Variants in PIP4K2A observed in about 807,000 individuals in gnomAD.
PIP4K2A encodes phosphatidylinositol-5-phosphate 4-kinase type 2 alpha.
PIP4K2A carries 14 observed loss-of-function variants against 42.9 expected under a neutral mutation model. The ratio of observed to expected loss-of-function variants is 0.33; its 90% confidence interval spans 0.22 to 0.51. The LOEUF (loss-of-function observed/expected upper bound fraction) is 0.51, where lower values mean the gene tolerates loss of function less well. Ranked by LOEUF, PIP4K2A falls within the 20% of genes least tolerant of loss-of-function variation. The pLI is 0.97. For synonymous variants in PIP4K2A, 192 were observed against 192.2 expected (o/e 1.00, Z 0.01); for missense variants, 434 against 519.8 (o/e 0.83, Z 1.61).
intron 1 of PIP4K2A, among the ~76,000 whole-genome samples, chr10:22,704,199 G>A (rs12266181): frequency 0.31 from 46,676 of 151,960 alleles, 7,517 homozygotes; most frequent in Middle Eastern, 0.37. Context: ...AGATGATCCT[G>A]GACACAGGCC....
chr10:22,619,207 T>C (rs1260685296), intron 1 of PIP4K2A, among the ~76,000 whole-genome samples: 1 of 152,148 alleles, frequency 6.6e-6, no homozygotes, highest in Admixed American at 6.5e-5. Context: ...TTCAGGCATG[T>C]AGCCCACACT....
intron 1 of PIP4K2A, among the ~76,000 whole-genome samples, chr10:22,617,686 C>T (rs1304721293): frequency 6.6e-6 from 1 of 152,114 alleles, no homozygotes; most frequent in Non-Finnish European, 1.5e-5. Context: ...TTGTGTGGAG[C>T]CCCTGTTGGG....
intron 1 of PIP4K2A, among the ~76,000 whole-genome samples, chr10:22,643,929 T>C (rs1220269960): frequency 6.6e-6 from 1 of 152,152 alleles, no homozygotes; most frequent in Admixed American, 6.5e-5. Flanking sequence ...GGAGGGTTTA[T>C]CATCCTCCAG....
At chr10:22,646,196 T>C (rs1476571522) in intron 1 of PIP4K2A, 1 of 152,182 alleles carries the variant, frequency 6.6e-6, no homozygotes, top group Non-Finnish European at 1.5e-5. Flanking sequence ...TGTAGGCAGG[T>C]ACTTTGGTCA....
At chr10:22,598,166 T>C (rs1403741472) in intron 3 of PIP4K2A, among the ~76,000 whole-genome samples, 1 of 152,170 alleles carries the variant, frequency 6.6e-6, no homozygotes, top group Non-Finnish European at 1.5e-5. Flanking sequence ...GGGACCAGCC[T>C]GGGCAGCATA....
Position 22,639,848 on chromosome 10 carries a change from C to G in PIP4K2A, c.145-30131G>C, listed in dbSNP as rs181963263. On this transcript the variant is annotated intron_variant, in intron 1 of 9. Transcript: ENST00000376573. ...TAAAGTCACATAATGTCTTCAGCCACGTAAATTCACACTCCCTGCTCCAGA... is the reference window on the plus strand; with the variant it reads ...TAAAGTCACATAATGTCTTCAGCCAGGTAAATTCACACTCCCTGCTCCAGA... Among the ~76,000 whole-genome samples the G allele has an allele frequency of 5.3e-5, 8 of 152,192 alleles. No homozygotes were observed. In the East Asian group the frequency reaches 1.5e-3, roughly 29 times the overall value.
Position 22,537,255 on chromosome 10 carries a change from G to C in PIP4K2A, c.1167C>G (p.Asn389Lys), listed in dbSNP as rs1379858288. 1.9e-6 allele frequency: 3 copies of C among 1,605,604 alleles called. No homozygotes were observed. In the African/African-American group the frequency reaches 4.0e-5, roughly 22 times the overall value. The change falls in exon 10 of 10, where the codon AAC (asparagine) becomes AAG (lysine). Residue 389 changes from asparagine (N) to lysine (K), a missense_variant. Physicochemically the swap from Asn to Lys is moderately conservative, Grantham distance 94. Coordinates refer to ENST00000376573, the MANE Select transcript of PIP4K2A (RefSeq NM_005028.5). ...HGAGAEISTV[N>K]PEQYSKRFLD... is the part of the protein sequence containing the mutation. Reference sequence around the variant, plus strand: ...AAAAGCGCTTTGAATACTGTTCTGGGTTCACGGTGGAGATCTCCGCGCCAG... The same window carrying C: ...AAAAGCGCTTTGAATACTGTTCTGGCTTCACGGTGGAGATCTCCGCGCCAG...
intron 1 of PIP4K2A, among the ~76,000 whole-genome samples, chr10:22,705,048 T>C (rs1229681875): frequency 6.6e-6 from 1 of 152,088 alleles, no homozygotes; most frequent in East Asian, 1.9e-4. Context: ...ACGGCTTCTA[T>C]TTGTTCAATG....
At chr10:22,653,830 C>A (rs1014868715) in intron 1 of PIP4K2A, among the ~76,000 whole-genome samples, 1 of 152,048 alleles carries the variant, frequency 6.6e-6, no homozygotes, top group Non-Finnish European at 1.5e-5. Context: ...GCCAAGATTG[C>A]GCCACTGCAC....
At chr10:22,664,152 CACATATATAT>C (rs1839287638) in intron 1 of PIP4K2A, among the ~76,000 whole-genome samples, 5 of 20,840 alleles carry the variant, frequency 2.4e-4, no homozygotes, top group African/African-American at 8.8e-4. Flanking sequence ...CATATATATA[CACATATATAT>C]ATATACATAT....
intron 9 of PIP4K2A, chr10:22,539,582 C>G (rs1836037951): frequency 5.6e-6 from 1 of 177,336 alleles, no homozygotes; most frequent in Non-Finnish European, 1.2e-5. Flanking sequence ...GCACTTTTAT[C>G]TCTGGAACAT....
rs1837988513 is a variant in PIP4K2A at position 22,609,715 on chromosome 10, G to A, written c.147C>T (p.Ile49=). 6.3e-7 allele frequency: 1 copy of A among 1,579,230 alleles called. No homozygotes were observed. The highest frequency in any genetic ancestry group is 8.7e-7 in the Non-Finnish European group (1 of 1,151,404). Reference sequence around the variant, plus strand: ...GGATTTGAACATGGCTCAGTTCATTGATCTGGAAAAATATAAAATAAATAG... The same window carrying A: ...GGATTTGAACATGGCTCAGTTCATTAATCTGGAAAAATATAAAATAAATAG... ...SVLMWGVNHS[I]NELSHVQIPV... is the part of the protein sequence containing the mutation. Residue 49 remains isoleucine, a splice_region_variant and synonymous_variant, in exon 2 of 10, where the codon ATC becomes ATT. Transcript: ENST00000376573.
intron 3 of PIP4K2A, among the ~76,000 whole-genome samples, chr10:22,593,338 TGA>T (rs1837555451): frequency 1.3e-5 from 2 of 151,836 alleles, no homozygotes; most frequent in African/African-American, 4.8e-5. Flanking sequence ...TTAGAAAACT[TGA>T]GAGAAGGAAA....
intron 3 of PIP4K2A, among the ~76,000 whole-genome samples, chr10:22,602,339 A>G (rs1837802059): frequency 6.6e-6 from 1 of 151,064 alleles, no homozygotes; most frequent in Non-Finnish European, 1.5e-5. Flanking sequence ...GGCTGCAGTG[A>G]GCCAAGATTG....
intron 7 of PIP4K2A, among the ~76,000 whole-genome samples, chr10:22,542,867 C>T (rs1488181201): frequency 6.6e-6 from 1 of 152,156 alleles, no homozygotes; most frequent in African/African-American, 2.4e-5. Context: ...CGGGCTGGAC[C>T]CAACTGGCTC....
chr10:22,571,775 T>G (rs977808701), intron 5 of PIP4K2A, among the ~76,000 whole-genome samples: 4 of 152,138 alleles, frequency 2.6e-5, no homozygotes, highest in African/African-American at 9.7e-5. Flanking sequence ...TTTCCAAACT[T>G]CATTATTGTG....
At chr10:22,655,932 C>T (rs552703887) in intron 1 of PIP4K2A, among the ~76,000 whole-genome samples, 10 of 152,164 alleles carry the variant, frequency 6.6e-5, no homozygotes, top group Admixed American at 3.9e-4. Flanking sequence ...GGGCACAAAG[C>T]GCTGGAGTGG....
intron 9 of PIP4K2A, chr10:22,539,652 G>A (rs916430252): frequency 7.5e-6 from 2 of 268,282 alleles, no homozygotes; most frequent in Non-Finnish European, 1.4e-5. Flanking sequence ...GTTAGTGTCC[G>A]CCATGTGTAA....
chr10:22,686,543 C>G (rs1343396394), intron 1 of PIP4K2A, among the ~76,000 whole-genome samples: 2 of 152,150 alleles, frequency 1.3e-5, no homozygotes, highest in African/African-American at 4.8e-5. Flanking sequence ...GTGTTGCAAT[C>G]AAAGCTCAAT....
Sources: gnomAD v4.1 joint callset for allele counts (sites outside exome capture counted in the v4.1 genomes callset) on GRCh38, gnomAD v4.1.1 for gene constraint, MANE v1.5 for transcripts, NCBI Gene and HGNC (gene_info 2026-07-23, HGNC 2026-07-21) for gene names.